The following GRM7 variants were observed in gnomAD, a reference collection of about 807,000 sequenced individuals.
The protein encoded by GRM7 is metabotropic glutamate receptor 7.
A neutral mutation model predicts 84.5 loss-of-function variants in GRM7; 35 were observed. That is an observed-to-expected ratio of 0.41 (90% CI 0.32 to 0.55). GRM7 has a LOEUF of 0.55. Among genes scored for constraint, GRM7 ranks in the 20% least tolerant of loss-of-function variants. The pLI is 0.19. For missense variants in GRM7, 1,003 were observed against 1,194.6 expected (o/e 0.84, Z 2.36); for synonymous variants, 487 against 455.1 (o/e 1.07, Z -0.89).
chr3:7,693,472 A>G (rs1221619848), intron 9 of GRM7, among the ~76,000 whole-genome samples: 1 of 152,152 alleles, frequency 6.6e-6, no homozygotes, highest in African/African-American at 2.4e-5. Context: ...AATTTGATTA[A>G]GCTGGCCTCC....
At chr3:7,321,702 G>A (rs1212907231) in intron 4 of GRM7, among the ~76,000 whole-genome samples, 3 of 151,030 alleles carry the variant, frequency 2.0e-5, no homozygotes, top group Non-Finnish European at 3.0e-5. Context: ...CTAACCTCAG[G>A]GAATTTGCTT....
rs1187705960 is a variant in GRM7, at chr3:7,067,352, C to T, written c.520-79100C>T. Among the ~76,000 whole-genome samples, 11 of 151,934 alleles carry T rather than the reference C, an allele frequency of 7.2e-5. No homozygotes were observed. The Admixed American group carries it at 7.2e-4, about 10-fold the overall frequency. ...GGATACAAGATTAATGTACACAAAT[C>T]AGTAGCTCTTCTATTACATCAACAA... On this transcript the variant is annotated intron_variant, in intron 1 of 9. Coordinates refer to ENST00000357716, the MANE Select transcript of GRM7 (RefSeq NM_000844.4).
intron 7 of GRM7, among the ~76,000 whole-genome samples, chr3:7,512,683 G>A (rs1441317650): frequency 1.3e-5 from 2 of 150,960 alleles, no homozygotes; most frequent in South Asian, 2.1e-4. Context: ...GTCAAGCTAT[G>A]AAATAAAGTC....
At chr3:7,371,197 C>T (rs987484128) in intron 4 of GRM7, among the ~76,000 whole-genome samples, 35 of 152,166 alleles carry the variant, frequency 2.3e-4, no homozygotes, top group African/African-American at 4.1e-4. Context: ...AATAGAGTGA[C>T]GTAGAAGAAA....
chr3:7,483,746 G>A (rs531918606), intron 7 of GRM7, among the ~76,000 whole-genome samples: 9 of 152,168 alleles, frequency 5.9e-5, no homozygotes, highest in African/African-American at 2.2e-4. Context: ...TATTCCAGAT[G>A]AGAGATAGAT....
At chr3:7,343,959 C>T (rs755190953) in intron 4 of GRM7, among the ~76,000 whole-genome samples, 1 of 152,168 alleles carries the variant, frequency 6.6e-6, no homozygotes, top group Non-Finnish European at 1.5e-5. Flanking sequence ...GCGGCTAGAG[C>T]TAAAAGGTTG....
rs751044660 is a variant in GRM7, at chr3:7,399,599, C to T, written c.1034-15424C>T. ...CATGTTGAAATTTGATCCTCAGTGT[C>T]GGAGATGGGGCCTAATGGGAGGTGT... On this transcript the variant is annotated intron_variant, in intron 4 of 9. Transcript: ENST00000357716. Among the ~76,000 whole-genome samples the T allele has an allele frequency of 3.3e-5, 5 of 152,144 alleles. No homozygotes were observed. In the East Asian group the frequency reaches 5.8e-4, roughly 18 times the overall value.
intron 1 of GRM7, among the ~76,000 whole-genome samples, chr3:6,871,192 A>T (rs960043337): frequency 6.6e-5 from 10 of 152,252 alleles, no homozygotes; most frequent in African/African-American, 2.2e-4. Flanking sequence ...AACTATAAAC[A>T]TTTAGAGGAA....
chr3:7,454,667 TTGCGGATAA>T (rs1486795882), intron 6 of GRM7, among the ~76,000 whole-genome samples: 1 of 152,056 alleles, frequency 6.6e-6, no homozygotes, highest in East Asian at 1.9e-4. Flanking sequence ...ATTATATATA[TTGCGGATAA>T]TGAGAGCCAG....
chr3:7,305,101 C>G (rs12489441), intron 3 of GRM7, among the ~76,000 whole-genome samples: 71,973 of 151,886 alleles, frequency 0.47, 18,733 homozygotes, highest in Non-Finnish European at 0.6. Context: ...CCTGGGGTGA[C>G]AAACCCCTAG....
chr3:7,428,563 T>C (rs1207511833), intron 5 of GRM7, among the ~76,000 whole-genome samples: 1 of 152,144 alleles, frequency 6.6e-6, no homozygotes, highest in Non-Finnish European at 1.5e-5. Context: ...TGATATCACT[T>C]GGGTTGTGGT....
chr3:7,490,149 A>G (rs1442802393), intron 7 of GRM7, among the ~76,000 whole-genome samples: 1 of 152,188 alleles, frequency 6.6e-6, no homozygotes, highest in Non-Finnish European at 1.5e-5. Flanking sequence ...GGAATTTAGT[A>G]TACAAAAGTT....
chr3:7,447,415 G>T (rs1216019180), intron 5 of GRM7, among the ~76,000 whole-genome samples: 1 of 152,118 alleles, frequency 6.6e-6, no homozygotes, highest in Non-Finnish European at 1.5e-5. Flanking sequence ...AATAAGAAGT[G>T]TAGTAGTTAA....
intron 4 of GRM7, among the ~76,000 whole-genome samples, chr3:7,313,022 G>T (rs756925559): frequency 6.7e-6 from 1 of 149,534 alleles, no homozygotes; most frequent in Non-Finnish European, 1.5e-5. Flanking sequence ...TCCATCTCCC[G>T]GGTTCAAACA....
At chr3:7,434,571 T>C (rs1696965162) in intron 5 of GRM7, among the ~76,000 whole-genome samples, 1 of 152,216 alleles carries the variant, frequency 6.6e-6, no homozygotes, top group African/African-American at 2.4e-5. Flanking sequence ...CTATTTTTAT[T>C]TTTTAGTTGA....
At chr3:7,162,426 A>G (rs1694654239) in intron 2 of GRM7, among the ~76,000 whole-genome samples, 1 of 152,130 alleles carries the variant, frequency 6.6e-6, no homozygotes, top group Non-Finnish European at 1.5e-5. Context: ...TAAAGAAGCA[A>G]TGAAGATGAA....
At chr3:6,887,770 G>A (rs539401158) in intron 1 of GRM7, among the ~76,000 whole-genome samples, 165 of 152,180 alleles carry the variant, frequency 1.1e-3, no homozygotes, top group Non-Finnish European at 1.9e-3. Flanking sequence ...TGGGTCAAAT[G>A]GTATTTCTAG....
intron 4 of GRM7, among the ~76,000 whole-genome samples, chr3:7,341,110 A>G (rs1015295692): frequency 2.0e-5 from 3 of 152,152 alleles, no homozygotes; most frequent in African/African-American, 7.2e-5. Context: ...TTTGGCTCAG[A>G]GAAGAGAACA....
intron 1 of GRM7, among the ~76,000 whole-genome samples, chr3:7,108,137 C>A (rs1479285809): frequency 6.6e-6 from 1 of 152,014 alleles, no homozygotes; most frequent in African/African-American, 2.4e-5. Context: ...GATTGGAGAT[C>A]ATTTACCTTC....
Sources: gnomAD v4.1 joint callset for allele counts (sites outside exome capture counted in the v4.1 genomes callset) on GRCh38, gnomAD v4.1.1 for gene constraint, MANE v1.5 for transcripts, NCBI Gene and HGNC (gene_info 2026-07-23, HGNC 2026-07-21) for gene names.